Variants in LRRC8D observed in about 807,000 individuals in gnomAD.
LRRC8D encodes leucine rich repeat containing 8 VRAC subunit D.
A neutral mutation model predicts 55.8 loss-of-function variants in LRRC8D; 20 were observed. The ratio of observed to expected loss-of-function variants is 0.36; its 90% CI spans 0.25 to 0.52. The LOEUF (loss-of-function observed/expected upper bound fraction) is 0.52, where lower values mean the gene tolerates loss of function less well. Among genes scored for constraint, LRRC8D ranks in the 20% least tolerant of loss-of-function variants. The probability of loss-of-function intolerance (pLI) is 0.93; values close to 1 mark genes in which losing one functional copy is unlikely to be tolerated. For synonymous variants in LRRC8D, 352 were observed against 377.0 expected, an observed-to-expected ratio of 0.93 and a Z score of 0.77; for missense variants, 651 against 1,030.8, an observed-to-expected ratio of 0.63 and a Z score of 5.05.
At chr1:89,834,342 T>G (rs189107313) in intron 1 of LRRC8D, among the ~76,000 whole-genome samples, 2 of 152,228 alleles carry the variant, frequency 1.3e-5, no homozygotes, top group Non-Finnish European at 2.9e-5. Flanking sequence ...ACAACGGCTA[T>G]CATGTTAGTG....
intron 2 of LRRC8D, among the ~76,000 whole-genome samples, chr1:89,862,219 A>G (rs1010412611): frequency 1.2e-4 from 19 of 152,306 alleles, no homozygotes; most frequent in Middle Eastern, 6.8e-3. Context: ...TCCTTGAAAC[A>G]TAACTCTTAA....
chr1:89,843,545 T>A, intron 1 of LRRC8D, 93 bp from the exon 2 acceptor site: 1 of 679,340 alleles, frequency 1.5e-6, no homozygotes, highest in Admixed American at 2.1e-5. Flanking sequence ...GGTGACCCCC[T>A]GGTCTTGCCT....
At chr1:89,835,663 A>T (rs985840558) in intron 1 of LRRC8D, among the ~76,000 whole-genome samples, 17 of 152,198 alleles carry the variant, frequency 1.1e-4, no homozygotes, top group African/African-American at 3.6e-4. Context: ...CTTTCTAGCC[A>T]TGGGAACATG....
At position 89,933,495 on chromosome 1, in the gene LRRC8D, T is replaced by C; in HGVS notation, c.427T>C (p.Phe143Leu). ...DPTGRKTNLD[F>L]QQYVFINQMC... The stretch of plus-strand genomic sequence containing the variant: ...AACAGGTCGAAAAACAAACTTGGAT[T>C]TTCAGCAATATGTATTTATTAATCA... Residue 143 changes from phenylalanine (F) to leucine (L), a missense_variant, in exon 3 of 3, where the codon TTT (phenylalanine) becomes CTT (leucine). Phe to Leu is a conservative substitution (Grantham distance 22). Transcript: ENST00000337338. The surrounding 1 kb of genome is among the most constrained non-coding windows in gnomAD (Gnocchi z 7.0). 6.2e-7 allele frequency: 1 copy of C among 1,614,150 alleles called. No individual in the cohort carries two copies. Among genetic ancestry groups the C allele is most frequent in the East Asian group, 2.2e-5 (1 of 44,892 alleles).
Position 89,898,118 on chromosome 1 carries a change from T to G in LRRC8D, c.-2-34949T>G, listed in dbSNP as rs1662760708. 2.0e-5 allele frequency among the ~76,000 whole-genome samples: 3 copies of G among 152,172 alleles called. No individual in the cohort carries two copies. In the South Asian group the frequency reaches 6.2e-4, roughly 32 times the overall value. Reference sequence around the variant, plus strand: ...CAGCCGATACTGAGAGGAAAAACCTTGGGTTCCTAAAACTTTTAAAACATT... The same window carrying G: ...CAGCCGATACTGAGAGGAAAAACCTGGGGTTCCTAAAACTTTTAAAACATT... On this transcript the variant is annotated intron_variant, in intron 2 of 2. Transcript: ENST00000337338.
In LRRC8D at chr1:89,935,846, AT is replaced by A. The variant is rs58055791; in HGVS notation, c.*212del. ...GTTTTAAGTCATTCATTTCCAAATC[AT>A]TTTTTTTTTTCTTTTGGGGAAAGGG... On this transcript the variant is annotated 3_prime_UTR_variant, in exon 3 of 3. Transcript: ENST00000337338. 17,879 of 361,790 alleles carry A rather than the reference AT, an allele frequency of 0.049. 61 individuals carry two copies. The highest frequency in any genetic ancestry group is 0.06 in the South Asian group (701 of 11,680). 22.4% of individuals were successfully genotyped at this position (361,790 alleles called of 1,614,324 possible).
intron 2 of LRRC8D, among the ~76,000 whole-genome samples, chr1:89,899,308 C>A (rs535018116): frequency 6.6e-6 from 1 of 152,202 alleles, no homozygotes; most frequent in Non-Finnish European, 1.5e-5. Flanking sequence ...AAGTTACAAA[C>A]CAATCCCATT....
At chr1:89,914,706 T>TG (rs902576958) in intron 2 of LRRC8D, among the ~76,000 whole-genome samples, 2 of 152,052 alleles carry the variant, frequency 1.3e-5, no homozygotes, top group African/African-American at 4.8e-5. Context: ...ACAGTTTTTT[T>TG]TTTTTTTTGC....
chr1:89,923,579 A>AG (rs1663477099), intron 2 of LRRC8D, among the ~76,000 whole-genome samples: 1 of 152,234 alleles, frequency 6.6e-6, no homozygotes, highest in Non-Finnish European at 1.5e-5. Context: ...TTAGAAAAAA[A>AG]CGATTCTAAA....
At chr1:89,870,475 CA>C (rs994792559) in intron 2 of LRRC8D, among the ~76,000 whole-genome samples, 91 of 141,580 alleles carry the variant, frequency 6.4e-4, no homozygotes, top group Middle Eastern at 3.7e-3. Flanking sequence ...GACCCTGTAT[CA>C]AAAAAAAAAA....
chr1:89,857,468 A>C (rs1661588664), intron 2 of LRRC8D, among the ~76,000 whole-genome samples: 1 of 151,678 alleles, frequency 6.6e-6, no homozygotes, highest in Non-Finnish European at 1.5e-5. Context: ...GTATTATCTG[A>C]TTTTTAAAAA....
chr1:89,875,483 T>C (rs1057242401), intron 2 of LRRC8D, among the ~76,000 whole-genome samples: 2 of 152,172 alleles, frequency 1.3e-5, no homozygotes, highest in African/African-American at 4.8e-5. Context: ...CTGATAAGCA[T>C]GTGTTTCATG....
At chr1:89,863,374 A>G (rs1281374775) in intron 2 of LRRC8D, among the ~76,000 whole-genome samples, 1 of 152,188 alleles carries the variant, frequency 6.6e-6, no homozygotes, top group Non-Finnish European at 1.5e-5. Context: ...ATCACGCAGT[A>G]CACAAGTGGG....
chr1:89,846,643 C>T (rs140699493), intron 2 of LRRC8D: 43 of 152,214 alleles, frequency 2.8e-4, no homozygotes, highest in Admixed American at 1.6e-3. Context: ...CACTCAGGCT[C>T]TGCCCAGAAC....
intron 2 of LRRC8D, among the ~76,000 whole-genome samples, chr1:89,924,323 T>G (rs983018641): frequency 2.6e-5 from 4 of 152,146 alleles, no homozygotes; most frequent in Admixed American, 2.6e-4. Context: ...GAAAAAATGC[T>G]CAGCATCACT....
intron 2 of LRRC8D, among the ~76,000 whole-genome samples, chr1:89,923,969 TA>T (rs1557486093): frequency 6.6e-6 from 1 of 152,154 alleles, no homozygotes; most frequent in Non-Finnish European, 1.5e-5. Flanking sequence ...CCTAAAACAA[TA>T]AAAACTCTGA....
chr1:89,921,483 T>C (rs1663416607), intron 2 of LRRC8D, among the ~76,000 whole-genome samples: 1 of 152,220 alleles, frequency 6.6e-6, no homozygotes, highest in African/African-American at 2.4e-5. Context: ...ATAGGGGTAC[T>C]AAGACCTCCT....
chr1:89,932,964 C>T (rs1477982583), intron 2 of LRRC8D, 103 bp from the exon 3 acceptor site: 5 of 923,068 alleles, frequency 5.4e-6, no homozygotes, highest in South Asian at 5.4e-5. Context: ...AAAGATAGGA[C>T]CTGAATGAGA....
intron 1 of LRRC8D, among the ~76,000 whole-genome samples, chr1:89,835,691 A>G (rs1198361940): frequency 1.3e-5 from 2 of 152,220 alleles, no homozygotes; most frequent in Non-Finnish European, 2.9e-5. Flanking sequence ...TACTTAACTT[A>G]CTATAAAATG....
Sources: gnomAD v4.1 joint callset for allele counts (sites outside exome capture counted in the v4.1 genomes callset) on GRCh38, gnomAD v4.1.1 for gene constraint, Gnocchi (gnomAD v3.1) non-coding constraint, MANE v1.5 for transcripts, NCBI Gene and HGNC (gene_info 2026-07-23, HGNC 2026-07-21) for gene names.